Variants in KIAA0825 observed in about 807,000 individuals in gnomAD.
KIAA0825 encodes KIAA0825.
KIAA0825 carries 119 observed loss-of-function variants against 147.6 expected under a neutral mutation model. The ratio of observed to expected loss-of-function variants is 0.81; its 90% confidence interval spans 0.69 to 0.94. The LOEUF is 0.94. KIAA0825 is among the 40% of genes least tolerant of loss of function. The pLI is 0.00. For synonymous variants in KIAA0825, 470 were observed against 518.1 expected (o/e 0.91, Z 1.26); for missense variants, 1,381 against 1,472.7 (o/e 0.94, Z 1.02).
chr5:94,462,562 C>T lies in KIAA0825; in HGVS notation c.2071G>A (p.Val691Ile). 6.7e-7 allele frequency: 1 copy of T among 1,496,500 alleles called. No individual in the cohort carries two copies. The highest frequency in any genetic ancestry group is 8.9e-7 in the Non-Finnish European group (1 of 1,123,990). 92.7% of individuals were successfully genotyped at this position (1,496,500 alleles called of 1,614,324 possible). ...TCAGTGCATATCAAAATTGTTGTGA[C>T]ATCAAGTCTGTTGGAAAGAAAGAAA... is the stretch of plus-strand genomic sequence containing the variant. ...RKRTPQLRLDVTTILICTENM... is the reference protein window; with the variant it reads ...RKRTPQLRLDITTILICTENM... Residue 691 changes from valine (V) to isoleucine (I), a missense_variant, in exon 12 of 21, where the codon GTC becomes ATC. Val to Ile is a conservative substitution (Grantham distance 29). Transcript: ENST00000682413.
At chr5:94,536,185 T>C (rs1413864648) in intron 3 of KIAA0825, among the ~76,000 whole-genome samples, 1 of 152,240 alleles carries the variant, frequency 6.6e-6, no homozygotes. Flanking sequence ...CCCATTGTTA[T>C]AATAAAGAAC....
chr5:94,255,080 G>A (rs1271107457), intron 20 of KIAA0825, among the ~76,000 whole-genome samples: 4 of 150,878 alleles, frequency 2.7e-5, no homozygotes, highest in African/African-American at 9.8e-5. Context: ...TTCCTAACTA[G>A]ACAGTAAGCA....
intron 1 of KIAA0825, among the ~76,000 whole-genome samples, chr5:94,611,703 T>C (rs1788845418): frequency 6.7e-6 from 1 of 149,222 alleles, no homozygotes; most frequent in Non-Finnish European, 1.5e-5. Flanking sequence ...CCCAGCACTT[T>C]GGGAGGCCAA....
chr5:94,424,001 G>A (rs1387124362), intron 14 of KIAA0825, among the ~76,000 whole-genome samples: 1 of 151,984 alleles, frequency 6.6e-6, no homozygotes, highest in African/African-American at 2.4e-5. Flanking sequence ...TAAATATAAA[G>A]ACCTATCATT....
chr5:94,565,036 CCTCTCTCT>C (rs374763420), intron 2 of KIAA0825, among the ~76,000 whole-genome samples: 1 of 109,984 alleles, frequency 9.1e-6, no homozygotes, highest in African/African-American at 3.6e-5. Context: ...CTCTTTCTTT[CCTCTCTCT>C]CTCTCTCTCT....
chr5:94,197,005 A>C (rs1319222528), intron 20 of KIAA0825, among the ~76,000 whole-genome samples: 1 of 152,220 alleles, frequency 6.6e-6, no homozygotes, highest in East Asian at 1.9e-4. Flanking sequence ...TGCTAAGTTC[A>C]AAGGTAGTTC....
At chr5:94,319,772 T>C (rs766586012) in intron 20 of KIAA0825, among the ~76,000 whole-genome samples, 3 of 152,012 alleles carry the variant, frequency 2.0e-5, no homozygotes, top group Non-Finnish European at 4.4e-5. Context: ...CTTTAGAGTC[T>C]ATGCTTCTTA....
intron 20 of KIAA0825, among the ~76,000 whole-genome samples, chr5:94,369,294 C>A (rs1319049011): frequency 6.6e-6 from 1 of 152,088 alleles, no homozygotes; most frequent in African/African-American, 2.4e-5. Context: ...TGGGCCTGAT[C>A]ATATCATTGG....
intron 5 of KIAA0825, among the ~76,000 whole-genome samples, chr5:94,518,043 A>G (rs1019663208): frequency 6.6e-6 from 1 of 152,174 alleles, no homozygotes; most frequent in Non-Finnish European, 1.5e-5. Context: ...ATGCACATCA[A>G]TGTCTGAGCC....
At chr5:94,338,620 A>G (rs1782050592) in intron 20 of KIAA0825, among the ~76,000 whole-genome samples, 2 of 152,178 alleles carry the variant, frequency 1.3e-5, no homozygotes, top group Admixed American at 1.3e-4. Flanking sequence ...ACACACAAAT[A>G]CCACTTTGTT....
intron 15 of KIAA0825, among the ~76,000 whole-genome samples, chr5:94,409,190 G>C (rs1752452476): frequency 6.6e-6 from 1 of 152,108 alleles, no homozygotes; most frequent in South Asian, 2.1e-4. Context: ...TGTTACCTGA[G>C]ATAATCATAA....
At chr5:94,440,234 T>C in intron 13 of KIAA0825, 113 bp from the exon 14 acceptor site, 2 of 1,093,562 alleles carry the variant, frequency 1.8e-6, no homozygotes, top group Non-Finnish European at 1.3e-6. Context: ...CCTCCCTGAT[T>C]ACTCTGAAAA....
intron 20 of KIAA0825, among the ~76,000 whole-genome samples, chr5:94,359,490 C>T (rs922676460): frequency 2.6e-5 from 4 of 152,192 alleles, no homozygotes; most frequent in Admixed American, 6.5e-5. Flanking sequence ...TGTGCAGTGG[C>T]TCACGCCTGT....
At chr5:94,238,090 T>C (rs961279170) in intron 20 of KIAA0825, among the ~76,000 whole-genome samples, 4 of 152,194 alleles carry the variant, frequency 2.6e-5, no homozygotes, top group African/African-American at 9.7e-5. Context: ...TAGTTAATGA[T>C]AAGCACACTG....
At chr5:94,376,491 A>G (rs1428673496) in intron 20 of KIAA0825, among the ~76,000 whole-genome samples, 1 of 152,192 alleles carries the variant, frequency 6.6e-6, no homozygotes, top group Non-Finnish European at 1.5e-5. Flanking sequence ...CCCATCAGGA[A>G]ATAATACACC....
At chr5:94,231,215 T>C (rs1774672107) in intron 20 of KIAA0825, among the ~76,000 whole-genome samples, 1 of 152,146 alleles carries the variant, frequency 6.6e-6, no homozygotes, top group Admixed American at 6.5e-5. Context: ...GTGTTCTATG[T>C]GTCTCAACAG....
At chr5:94,484,545 G>C (rs1340810381) in intron 6 of KIAA0825, among the ~76,000 whole-genome samples, 2 of 151,690 alleles carry the variant, frequency 1.3e-5, no homozygotes, top group South Asian at 4.1e-4. Flanking sequence ...ATCCAGAATT[G>C]ATGTATGATG....
At chr5:94,433,466 T>A (rs951336538) in intron 14 of KIAA0825, among the ~76,000 whole-genome samples, 1 of 152,254 alleles carries the variant, frequency 6.6e-6, no homozygotes, top group Non-Finnish European at 1.5e-5. Context: ...GAAAATTATC[T>A]ACTACTTAGG....
At chr5:94,313,408 A>G (rs1779350661) in intron 20 of KIAA0825, among the ~76,000 whole-genome samples, 1 of 151,678 alleles carries the variant, frequency 6.6e-6, no homozygotes, top group Non-Finnish European at 1.5e-5. Context: ...CTTCATGCAC[A>G]AAGTTGAAGA....
Sources: gnomAD v4.1 joint callset for allele counts (sites outside exome capture counted in the v4.1 genomes callset) on GRCh38, gnomAD v4.1.1 for gene constraint, MANE v1.5 for transcripts, NCBI Gene and HGNC (gene_info 2026-07-23, HGNC 2026-07-21) for gene names.